KLHL5: variants seen among roughly 807,000 people sequenced by gnomAD.
KLHL5 encodes the protein kelch like family member 5, also known as kelch-like protein 5.
KLHL5 carries 48 observed loss-of-function variants against 77.7 expected under a neutral mutation model. The ratio of observed to expected loss-of-function variants is 0.62; its 90% CI spans 0.49 to 0.79. The LOEUF (loss-of-function observed/expected upper bound fraction) is 0.79, where lower values mean the gene tolerates loss of function less well. Among genes scored for constraint, KLHL5 ranks in the 30% least tolerant of loss-of-function variants. KLHL5 has a pLI of 0.00. For synonymous variants in KLHL5, 260 were observed against 297.0 expected (o/e 0.88, Z 1.28); for missense variants, 723 against 859.7 (o/e 0.84, Z 1.99).
At chr4:39,120,486 G>C (rs1204902656) in intron 10 of KLHL5, among the ~76,000 whole-genome samples, 2 of 152,160 alleles carry the variant, frequency 1.3e-5, no homozygotes, top group Admixed American at 1.3e-4. Context: ...AGTAGAATGG[G>C]TTTAGACTTT....
chr4:39,053,254 G>T (rs2109255184), intron 1 of KLHL5, among the ~76,000 whole-genome samples: 1 of 152,242 alleles, frequency 6.6e-6, no homozygotes, highest in South Asian at 2.1e-4. Context: ...ATCTGGATTG[G>T]TCCTACAGCA....
chr4:39,135,260 C>T, the KLHL5 span: 2 of 152,218 alleles, frequency 1.3e-5, no homozygotes, highest in Non-Finnish European at 2.9e-5. Context: ...GTTGGGGTCA[C>T]TTCCCTGTGC....
At position 39,095,125 on chromosome 4, in the gene KLHL5, C is replaced by T. The variant is rs181289259; in HGVS notation, c.1114-1567C>T. ...GGATTAGTGTGTGTATTACAAGGAA[C>T]TCTTAAAATTTTTAATCAAAAGATA... is the stretch of plus-strand genomic sequence containing the variant. On this transcript the variant is annotated intron_variant, in intron 5 of 10. Transcript: ENST00000504108. 2.4e-4 allele frequency among the ~76,000 whole-genome samples: 37 copies of T among 152,028 alleles called. No individual in the cohort carries two copies. The East Asian group carries it at 6.9e-3, about 29-fold the overall frequency.
intron 9 of KLHL5, among the ~76,000 whole-genome samples, chr4:39,114,413 A>C (rs1366901515): frequency 6.6e-6 from 1 of 152,116 alleles, no homozygotes; most frequent in African/African-American, 2.4e-5. Context: ...CAACCTGATC[A>C]CCTCTTAAAG....
intron 4 of KLHL5, among the ~76,000 whole-genome samples, chr4:39,084,832 A>G (rs139844881): frequency 9.0e-4 from 137 of 152,322 alleles, no homozygotes; most frequent in African/African-American, 3.2e-3. Flanking sequence ...TTTCTTCACA[A>G]TCTCACATAA....
chr4:39,082,193 T>C, intron 4 of KLHL5, 34 bp downstream of exon 4: 1 of 1,471,496 alleles, frequency 6.8e-7, no homozygotes, highest in Middle Eastern at 1.8e-4. Context: ...AAGTCGATCC[T>C]CCATATGCAT....
upstream of KLHL5, among the ~76,000 whole-genome samples, chr4:39,059,061 G>C (rs1262104042): frequency 3.3e-5 from 5 of 152,084 alleles, no homozygotes; most frequent in Non-Finnish European, 7.4e-5. Context: ...AATACGTATT[G>C]ATCGTTTATA....
At position 39,122,820 on chromosome 4, in the gene KLHL5, T is replaced by A. The variant is rs1263377028; in HGVS notation, c.*1754T>A. Among the ~76,000 whole-genome samples, 10 of 150,662 alleles carry A rather than the reference T, an allele frequency of 6.6e-5. No individual in the cohort carries two copies. The highest frequency in any genetic ancestry group is 1.3e-4 in the Admixed American group (2 of 15,138). ...AGAGCGAGACTCCATCAAAAAAAAA[T>A]AAATAAAAAAAAAATAAAAGATTTC... is the stretch of plus-strand genomic sequence containing the variant. On this transcript the variant is annotated 3_prime_UTR_variant, in exon 11 of 11. Transcript: ENST00000504108.
intron 2 of KLHL5, among the ~76,000 whole-genome samples, chr4:39,077,694 TAAAAAAAA>T (rs60744492): frequency 2.3e-5 from 3 of 128,626 alleles, no homozygotes. Context: ...GAACTAAAGG[TAAAAAAAA>T]AAAAAAACAA....
Position 39,096,880 on chromosome 4 carries a change from T to A in KLHL5, c.1300+2T>A. ...TTGGGGGAATGGATTCAACAAAAGGTATCAAATAATCTTTTATTTGGGGAG... is the reference window on the plus strand; with the variant it reads ...TTGGGGGAATGGATTCAACAAAAGGAATCAAATAATCTTTTATTTGGGGAG... On this transcript the variant is annotated splice_donor_variant, in intron 6 of 10. Transcript: ENST00000504108. LOFTEE classifies it high-confidence loss of function. The A allele has an allele frequency of 6.2e-7, 1 of 1,607,458 alleles. No individual in the cohort carries two copies. Among genetic ancestry groups the A allele is most frequent in the Non-Finnish European group, 8.5e-7 (1 of 1,174,372 alleles).
chr4:39,067,359 A>AT (rs1206769616), intron 1 of KLHL5, among the ~76,000 whole-genome samples: 2 of 152,060 alleles, frequency 1.3e-5, no homozygotes, highest in Non-Finnish European at 2.9e-5. Context: ...ATAAAGTGCC[A>AT]TTTTTTTCAC....
chr4:39,059,254 G>T (rs1346906510), upstream of KLHL5, among the ~76,000 whole-genome samples: 2 of 151,546 alleles, frequency 1.3e-5, no homozygotes, highest in African/African-American at 4.9e-5. Context: ...GAAAATATCA[G>T]AAATATAAGA....
At chr4:39,056,161 T>C (rs1398131207) in intron 1 of KLHL5, among the ~76,000 whole-genome samples, 1 of 152,240 alleles carries the variant, frequency 6.6e-6, no homozygotes, top group Non-Finnish European at 1.5e-5. Context: ...CTTGCCCTGT[T>C]GCCCGAGCAG....
chr4:39,081,154 T>G lies in KLHL5; in HGVS notation c.618T>G (p.Asp206Glu). 1 of 1,612,976 alleles carries G rather than the reference T, an allele frequency of 6.2e-7. No homozygotes were observed. The highest frequency in any genetic ancestry group is 8.5e-7 in the Non-Finnish European group (1 of 1,179,536). The change falls in exon 3 of 11, where the codon GAT (aspartate) becomes GAG (glutamate). Residue 206 changes from aspartate (D) to glutamate (E), a missense_variant. By Grantham distance (45) the Asp-to-Glu change is conservative (BLOSUM62 2). Around this residue, in one of 3 missense-constraint regions of KLHL5, gnomAD observed 288 missense variants for 400.3 expected, o/e 0.72. Coordinates refer to ENST00000504108, the MANE Select transcript of KLHL5 (RefSeq NM_015990.5). This position sits in a 1 kb window ranked among gnomAD's most constrained non-coding sequence, Gnocchi z 4.3. ...SDYFAAMFTN[D>E]VREARQEEIK... ...ATTTTGCTGCCATGTTTACTAATGA[T>G]GTCAGAGAGGCAAGACAAGAAGAAA... is the stretch of plus-strand genomic sequence containing the variant.
intron 8 of KLHL5, among the ~76,000 whole-genome samples, chr4:39,110,633 TA>T (rs1206436313): frequency 1.3e-5 from 2 of 151,980 alleles, no homozygotes; most frequent in Admixed American, 6.6e-5. Context: ...TGGCTAATTT[TA>T]AAAAAAATTT....
In KLHL5 at chr4:39,114,409, G is replaced by A. The variant is rs116483659; in HGVS notation, c.1902-750G>A. On this transcript the variant is annotated intron_variant, in intron 9 of 10. Transcript: ENST00000504108. ...AAACACTAATCCATCTTATCAACCTGATCACCTCTTAAAGGCCCCACCTCC... is the reference window on the plus strand; with the variant it reads ...AAACACTAATCCATCTTATCAACCTAATCACCTCTTAAAGGCCCCACCTCC... Among the ~76,000 whole-genome samples, 63 of 152,288 alleles carry A rather than the reference G, an allele frequency of 4.1e-4. 1 individual carries two copies. Among genetic ancestry groups the A allele is most frequent in the African/African-American group, 1.4e-3 (60 of 41,552 alleles).
chr4:39,093,020 G>T (rs1720731902), intron 5 of KLHL5: 3 of 447,216 alleles, frequency 6.7e-6, no homozygotes, highest in Admixed American at 4.9e-5. Context: ...TTACCCAAGA[G>T]AAATATATCC....
intron 6 of KLHL5, among the ~76,000 whole-genome samples, chr4:39,099,261 C>T (rs1201549782): frequency 6.6e-6 from 1 of 152,136 alleles, no homozygotes; most frequent in Non-Finnish European, 1.5e-5. Context: ...GTACCCCAGC[C>T]TGGGCAACAG....
At chr4:39,061,161 T>C (rs1577641065), upstream of KLHL5, among the ~76,000 whole-genome samples, 1 of 152,210 alleles carries the variant, frequency 6.6e-6, no homozygotes, top group South Asian at 2.1e-4. Flanking sequence ...GTATGGTTTT[T>C]CCCGTATTAT....
Sources: allele counts gnomAD v4.1 joint callset (sites outside exome capture counted in the v4.1 genomes callset), GRCh38; gene constraint gnomAD v4.1.1; regional missense constraint gnomAD v4.1.1; non-coding constraint Gnocchi (gnomAD v3.1); transcripts MANE v1.5; gene names NCBI Gene and HGNC (gene_info 2026-07-23, HGNC 2026-07-21).